Variants in COL5A1 observed in about 807,000 individuals in gnomAD.
COL5A1 encodes the protein collagen type V alpha 1 chain.
A neutral mutation model predicts 263.7 loss-of-function variants in COL5A1; 16 were observed. That is an observed-to-expected ratio of 0.06 (90% CI 0.04 to 0.09). COL5A1 has a LOEUF of 0.09. Among genes scored for constraint, COL5A1 ranks in the 10% least tolerant of loss-of-function variants. The probability of loss-of-function intolerance (pLI) is 1.00; values close to 1 mark genes in which losing one functional copy is unlikely to be tolerated. For synonymous variants in COL5A1, 1,012 were observed against 1,004.5 expected (o/e 1.01, Z -0.14); for missense variants, 2,036 against 2,540.5 (o/e 0.80, Z 4.27).
At chr9:134,838,589 G>A (rs888860416) in intron 65 of COL5A1, among the ~76,000 whole-genome samples, 13 of 152,110 alleles carry the variant, frequency 8.5e-5, no homozygotes, top group African/African-American at 1.7e-4. Context: ...TCACTCTCTC[G>A]CCCCCTTCCC....
At chr9:134,812,842 G>A in intron 48 of COL5A1, 130 bp downstream of exon 48, 4 of 733,260 alleles carry the variant, frequency 5.5e-6, no homozygotes, top group Non-Finnish European at 9.8e-6. Flanking sequence ...ATACACGTGT[G>A]TGTACCTCTC....
intron 4 of COL5A1, chr9:134,708,825 G>A (rs1230361086): frequency 1.8e-5 from 8 of 456,594 alleles, no homozygotes; most frequent in African/African-American, 8.0e-5. Flanking sequence ...TTCCAAGATC[G>A]AGGTGTGGGC....
In COL5A1 at chr9:134,724,871, G is replaced by A. The variant is rs561012153; in HGVS notation, c.655-2395G>A. Among the ~76,000 whole-genome samples, 29 of 146,378 alleles carry A rather than the reference G, an allele frequency of 2.0e-4. No individual in the cohort carries two copies. In the South Asian group the frequency reaches 4.0e-3, roughly 20 times the overall value. ...GAAGGTTCCGATGAACCAGGCTCAG[G>A]TGAACCAGGCTCGGGTGAACCAGGC... On this transcript the variant is annotated intron_variant, in intron 4 of 65. Transcript: ENST00000371817.
chr9:134,775,828 C>T (rs143026346), intron 27 of COL5A1, among the ~76,000 whole-genome samples: 2 of 152,334 alleles, frequency 1.3e-5, no homozygotes, highest in African/African-American at 2.4e-5. Context: ...CCCTCACCTC[C>T]CTGGTCTGAA....
In COL5A1 at chr9:134,812,625, C is replaced by T. The variant is rs1243846227; in HGVS notation, c.3765C>T (p.Gly1255=). 5 of 1,602,546 alleles carry T rather than the reference C, an allele frequency of 3.1e-6. No homozygotes were observed. The highest frequency in any genetic ancestry group is 3.4e-6 in the Non-Finnish European group (4 of 1,174,278). Residue 1255 remains glycine (G), a synonymous_variant, in exon 48 of 66, where the codon GGC becomes GGT. Coordinates refer to ENST00000371817, the MANE Select transcript of COL5A1 (RefSeq NM_000093.5). ...VGQMGPPGPP[G]PRGPSGAPGA... Reference sequence around the variant, plus strand: ...CCTAGGGCCCCCCGGGTCCCCCTGGCCCCCGAGGACCCTCCGGAGCTCCAG... The same window carrying T: ...CCTAGGGCCCCCCGGGTCCCCCTGGTCCCCGAGGACCCTCCGGAGCTCCAG...
chr9:134,768,893 C>T lies in COL5A1; in HGVS notation c.2286+430C>T, dbSNP rs192305921. ...TGAGCAAACGCGTTTGCAGTGTGTG[C>T]GCGCACAGCTGTGGAGCCAAATTAG... On this transcript the variant is annotated intron_variant, in intron 25 of 65. Transcript: ENST00000371817. Among the ~76,000 whole-genome samples, 14 of 152,230 alleles carry T rather than the reference C, an allele frequency of 9.2e-5. No individual in the cohort carries two copies. The East Asian group carries it at 1.4e-3, about 15-fold the overall frequency.
chr9:134,743,490 G>A (rs989775480), intron 11 of COL5A1, among the ~76,000 whole-genome samples: 1 of 152,146 alleles, frequency 6.6e-6, no homozygotes, highest in South Asian at 2.1e-4. Flanking sequence ...CCACCTGCTG[G>A]GGGGCCTGGA....
At chr9:134,828,772 T>TCACACA (rs752065150) in intron 63 of COL5A1, among the ~76,000 whole-genome samples, 2,006 of 122,560 alleles carry the variant, frequency 0.016, 41 homozygotes, top group African/African-American at 0.058. Context: ...ATACCACACA[T>TCACACA]CACAGATACA....
intron 1 of COL5A1, among the ~76,000 whole-genome samples, chr9:134,685,458 ATCCATCCATTCAT>A (rs1564386547): frequency 3.6e-3 from 9 of 2,502 alleles, no homozygotes; most frequent in Admixed American, 5.9e-3. Flanking sequence ...TCATCCATCC[ATCCATCCATTCAT>A]CCATCCATCC....
At chr9:134,822,057 C>G (rs183388325) in intron 58 of COL5A1, 40 bp from the exon 59 acceptor site, 95 of 1,591,826 alleles carry the variant, frequency 6.0e-5, no homozygotes, top group Admixed American at 3.7e-4. Flanking sequence ...AGCTCCTCCT[C>G]GTCTGAAGGT....
At chr9:134,676,462 T>G (rs1832687042) in intron 1 of COL5A1, among the ~76,000 whole-genome samples, 1 of 152,208 alleles carries the variant, frequency 6.6e-6, no homozygotes, top group African/African-American at 2.4e-5. Flanking sequence ...GTGCTTTGTT[T>G]TCAGTTCTTT....
intron 4 of COL5A1, among the ~76,000 whole-genome samples, chr9:134,709,915 G>A (rs992758827): frequency 1.3e-5 from 2 of 152,206 alleles, no homozygotes; most frequent in African/African-American, 4.8e-5. Context: ...TGGAGGGGGA[G>A]CAAAGGGGCA....
rs76503257 is a variant in COL5A1 at position 134,819,649 on chromosome 9, A to G, written c.4447-467A>G. 6.6e-5 allele frequency among the ~76,000 whole-genome samples: 10 copies of G among 152,346 alleles called. No homozygotes were observed. The East Asian group carries it at 1.9e-3, about 29-fold the overall frequency. On this transcript the variant is annotated intron_variant, in intron 57 of 65. Transcript: ENST00000371817. ...CTTGCCCTGGGTTCCTAGAAGACAA[A>G]CATAGACAGCGAGTGTCATGGATTC...
chr9:134,688,783 C>A (rs886446658), intron 1 of COL5A1, among the ~76,000 whole-genome samples: 11 of 152,214 alleles, frequency 7.2e-5, no homozygotes, highest in African/African-American at 2.7e-4. Flanking sequence ...TGCAGCAAAG[C>A]CAAGCTGTAG....
chr9:134,698,318 GGT>G (rs1249549151), intron 2 of COL5A1, among the ~76,000 whole-genome samples: 9 of 152,358 alleles, frequency 5.9e-5, no homozygotes, highest in African/African-American at 2.2e-4. Flanking sequence ...GTCAACACAG[GGT>G]GCCCGGCCAC....
chr9:134,734,629 C>T (rs189124413), intron 9 of COL5A1, among the ~76,000 whole-genome samples: 6 of 152,332 alleles, frequency 3.9e-5, no homozygotes, highest in Non-Finnish European at 7.3e-5. Context: ...CACTCAGTCC[C>T]GCTCCCTCTC....
At chr9:134,728,844 C>G in intron 6 of COL5A1, 37 bp downstream of exon 6, 2 of 1,613,472 alleles carry the variant, frequency 1.2e-6, no homozygotes. Context: ...GGGCTGGGCC[C>G]CTCGAGGCCA....
rs150889096 is a variant in COL5A1 at position 134,703,140 on chromosome 9, A to T, written c.654+1807A>T. Among the ~76,000 whole-genome samples the T allele has an allele frequency of 3.9e-5, 6 of 152,330 alleles. No individual in the cohort carries two copies. The East Asian group carries it at 1.2e-3, about 29-fold the overall frequency. Reference sequence around the variant, plus strand: ...GTGGTGGAGATTCTGCTGAACGTGCAGTTGGCTCTGGGTCAGTTTCCAGGA... The same window carrying T: ...GTGGTGGAGATTCTGCTGAACGTGCTGTTGGCTCTGGGTCAGTTTCCAGGA... On this transcript the variant is annotated intron_variant, in intron 4 of 65. Transcript: ENST00000371817.
intron 9 of COL5A1, 134 bp downstream of exon 9, chr9:134,732,261 G>C: frequency 1.2e-6 from 1 of 839,796 alleles, no homozygotes; most frequent in South Asian, 1.4e-5. Flanking sequence ...CAACCACCTG[G>C]TCTCGTGGAG....
Sources: gnomAD v4.1 joint callset for allele counts (sites outside exome capture counted in the v4.1 genomes callset) on GRCh38, gnomAD v4.1.1 for gene constraint, MANE v1.5 for transcripts, NCBI Gene and HGNC (gene_info 2026-07-23, HGNC 2026-07-21) for gene names.